The following PNMA3 variants were observed in gnomAD, a reference collection of about 807,000 sequenced individuals.
The protein encoded by PNMA3 is paraneoplastic antigen Ma3.
In PNMA3, 10 loss-of-function variants were observed where a neutral mutation model predicts 25.1. The observed-to-expected ratio is 0.40, with a 90% CI of 0.25 to 0.68. The LOEUF (loss-of-function observed/expected upper bound fraction) is 0.68. Ranked by LOEUF, PNMA3 falls within the 30% of genes least tolerant of loss-of-function variation. PNMA3 has a pLI of 0.40. For synonymous variants in PNMA3, 134 were observed against 148.7 expected, an observed-to-expected ratio of 0.90 and a Z score of 0.72; for missense variants, 317 against 372.1, an observed-to-expected ratio of 0.85 and a Z score of 1.22.
chrX:153,057,140 G>T lies in PNMA3; in HGVS notation c.85G>T (p.Asp29Tyr). 1 of 1,212,020 alleles carries T rather than the reference G, an allele frequency of 8.3e-7. No individual in the cohort carries two copies. Among genetic ancestry groups the T allele is most frequent in the Admixed American group, 2.2e-5 (1 of 46,106 alleles). ...CATGCTCATCCTGGGGATCCCCGAG[G>T]ACTGTGGCGAGGATGAGTTTGAGGA... ...RCMLILGIPE[D>Y]CGEDEFEETL... Residue 29 changes from aspartate (D) to tyrosine (Y), a missense_variant, in exon 2 of 2, where the codon GAC becomes TAC. Coordinates refer to ENST00000593810, the MANE Select transcript of PNMA3 (RefSeq NM_013364.6).
intron 1 of PNMA3, 100 bp from the exon 2 acceptor site, chrX:153,056,850 G>A (rs1333747162): frequency 9.1e-6 from 4 of 440,466 alleles, no homozygotes; most frequent in Admixed American, 5.2e-5. Flanking sequence ...GGCGCCGCCC[G>A]GGGAGGAGGG....
chrX:153,059,177 A>C lies in PNMA3; in HGVS notation c.*730A>C, dbSNP rs2051165290. 2 of 123,966 alleles carry C rather than the reference A, an allele frequency of 1.6e-5. No individual in the cohort carries two copies. The highest frequency in any genetic ancestry group is 6.5e-5 in the African/African-American group (2 of 30,678). 10.2% of individuals were successfully genotyped at this position (123,966 alleles called of 1,213,427 possible). A position where few individuals can be genotyped will look rare whatever the true frequency, so the allele number is the denominator to read the frequency against. The stretch of plus-strand genomic sequence containing the variant: ...GGGTACCCGGCAGGCCAGTGCCCTC[A>C]CAGTTGACTTGGACCAGGGTGGCTG... On this transcript the variant is annotated 3_prime_UTR_variant, in exon 2 of 2. Coordinates refer to ENST00000593810, the MANE Select transcript of PNMA3 (RefSeq NM_013364.6).
In PNMA3 at chrX:153,058,565, A is replaced by G. The variant is rs782299464; in HGVS notation, c.*118A>G. 8.4e-7 allele frequency: 1 copy of G among 1,193,948 alleles called. No individual in the cohort carries two copies. Among genetic ancestry groups the G allele is most frequent in the Non-Finnish European group, 1.1e-6 (1 of 886,373 alleles). ...GATGAGTTGAGTGGGGCAGAGGGAC[A>G]GGGCAGCCAGACCAAGGCCAAGCCT... is the stretch of plus-strand genomic sequence containing the variant. On this transcript the variant is annotated 3_prime_UTR_variant, in exon 2 of 2. Coordinates refer to ENST00000593810, the MANE Select transcript of PNMA3 (RefSeq NM_013364.6).
chrX:153,060,159 C>G lies in PNMA3; in HGVS notation c.*1712C>G, dbSNP rs1246063262. ...TCCTGTGCGGGCCATAGGGCAGGGCCCTGCCCCAGCAGATGGGCTTGGGAG... is the reference window on the plus strand; with the variant it reads ...TCCTGTGCGGGCCATAGGGCAGGGCGCTGCCCCAGCAGATGGGCTTGGGAG... On this transcript the variant is annotated 3_prime_UTR_variant, in exon 2 of 2. Transcript: ENST00000593810. 4 of 124,192 alleles carry G rather than the reference C, an allele frequency of 3.2e-5. No individual in the cohort carries two copies. Among genetic ancestry groups the G allele is most frequent in the African/African-American group, 1.3e-4 (4 of 30,964 alleles). 10.2% of individuals were successfully genotyped at this position (124,192 alleles called of 1,213,427 possible).
In PNMA3 at chrX:153,057,911, C is replaced by T. The variant is rs371312702; in HGVS notation, c.856C>T (p.Arg286Cys). 23 of 1,211,578 alleles carry T rather than the reference C, an allele frequency of 1.9e-5. No homozygotes were observed. The highest frequency in any genetic ancestry group is 1.1e-4 in the South Asian group (6 of 56,937). The part of the protein sequence containing the change: ...QRAVENNVVS[R>C]RNVNQTRLKR... ...AGCTGTAGAAAACAATGTGGTATCA[C>T]GTAGAAACGTGAATCAGACTCGCCT... is the stretch of plus-strand genomic sequence containing the variant. The change falls in exon 2 of 2, where the codon CGT (arginine) becomes TGT (cysteine). Residue 286 changes from arginine to cysteine, a missense_variant. Arg to Cys is a radical substitution (Grantham distance 180). Transcript: ENST00000593810.
chrX:153,058,224 G>A lies in PNMA3; in HGVS notation c.1169G>A (p.Gly390Asp). 8.2e-7 allele frequency: 1 copy of A among 1,212,264 alleles called. No individual in the cohort carries two copies. The highest frequency in any genetic ancestry group is 1.1e-6 in the Non-Finnish European group (1 of 895,571). ...GGCTACCGGCGCCGGAGGGGCAGAGGCCAACACCGAAGGGGTGGTGTGGCA... is the reference window on the plus strand; with the variant it reads ...GGCTACCGGCGCCGGAGGGGCAGAGACCAACACCGAAGGGGTGGTGTGGCA... ...SQGYRRRRGR[G>D]QHRRGGVARA... Residue 390 changes from glycine to aspartate, a missense_variant, in exon 2 of 2, where the codon GGC becomes GAC. Physicochemically the swap from Gly to Asp is moderately conservative, Grantham distance 94 (BLOSUM62 -1). Coordinates refer to ENST00000593810, the MANE Select transcript of PNMA3 (RefSeq NM_013364.6).
At position 153,057,309 on chromosome X, in the gene PNMA3, A is replaced by G. The variant is rs1569523354; in HGVS notation, c.254A>G (p.Lys85Arg). 1 of 1,211,676 alleles carries G rather than the reference A, an allele frequency of 8.3e-7. No individual in the cohort carries two copies. Among genetic ancestry groups the G allele is most frequent in the East Asian group, 3.0e-5 (1 of 33,828 alleles). ...YALLPREIPGKGGPWEVIVKP... is the reference protein window; with the variant it reads ...YALLPREIPGRGGPWEVIVKP... ...TTGCTCCCAAGGGAAATACCAGGAA[A>G]GGGGGGGCCCTGGGAAGTGATTGTA... Residue 85 changes from lysine (K) to arginine (R), a missense_variant, in exon 2 of 2, where the codon AAG becomes AGG. By Grantham distance (26) the Lys-to-Arg change is conservative. Transcript: ENST00000593810.
chrX:153,060,221 A>G lies in PNMA3; in HGVS notation c.*1774A>G, dbSNP rs1479244510. 8.1e-6 allele frequency: 1 copy of G among 123,171 alleles called. No homozygotes were observed. The highest frequency in any genetic ancestry group is 9.3e-5 in the Admixed American group (1 of 10,803). 10.2% of individuals were successfully genotyped at this position (123,171 alleles called of 1,213,427 possible). A position where few individuals can be genotyped will look rare whatever the true frequency, so the allele number is the denominator to read the frequency against. ...AAGCCAGTGGACACTGCCAGAGTCT[A>G]CCTTCCTGGCAAGAGGCAGACCCCG... On this transcript the variant is annotated 3_prime_UTR_variant, in exon 2 of 2. Transcript: ENST00000593810.
chrX:153,060,290 G>A lies in PNMA3; in HGVS notation c.*1843G>A, dbSNP rs1479866962. On this transcript the variant is annotated 3_prime_UTR_variant, in exon 2 of 2. Coordinates refer to ENST00000593810, the MANE Select transcript of PNMA3 (RefSeq NM_013364.6). ...GAGTTGGCAGCGGGGGCTGCAGCAGGAGTAGGAGCAGATGAGGCGTCTTGC... is the reference window on the plus strand; with the variant it reads ...GAGTTGGCAGCGGGGGCTGCAGCAGAAGTAGGAGCAGATGAGGCGTCTTGC... 1 of 123,884 alleles carries A rather than the reference G, an allele frequency of 8.1e-6. No individual in the cohort carries two copies. The highest frequency in any genetic ancestry group is 1.9e-5 in the Non-Finnish European group (1 of 53,504). 10.2% of individuals were successfully genotyped at this position (123,884 alleles called of 1,213,427 possible). A position where few individuals can be genotyped will look rare whatever the true frequency, so the allele number is the denominator to read the frequency against.
intron 1 of PNMA3, 26 bp from the exon 2 acceptor site, chrX:153,056,924 C>G: frequency 2.2e-6 from 2 of 928,711 alleles, no homozygotes; most frequent in Non-Finnish European, 2.9e-6. Flanking sequence ...GCATTAACCT[C>G]GCTCTCGCCC....
chrX:153,057,890 G>A lies in PNMA3; in HGVS notation c.835G>A (p.Val279Ile). The stretch of plus-strand genomic sequence containing the variant: ...TTTGGAACCCCTGCTCCAAAGAGCT[G>A]TAGAAAACAATGTGGTATCACGTAG... ...LRLEPLLQRA[V>I]ENNVVSRRNV... Residue 279 changes from valine to isoleucine, a missense_variant, in exon 2 of 2, where the codon GTA becomes ATA. Physicochemically the swap from Val to Ile is conservative, Grantham distance 29. Coordinates refer to ENST00000593810, the MANE Select transcript of PNMA3 (RefSeq NM_013364.6). 1.6e-6 allele frequency: 2 copies of A among 1,212,657 alleles called. No homozygotes were observed. Among genetic ancestry groups the A allele is most frequent in the Non-Finnish European group, 2.2e-6 (2 of 895,719 alleles).
rs1472493269 is a variant in PNMA3, at chrX:153,059,066, C to T, written c.*619C>T. 7.6e-6 allele frequency: 1 copy of T among 131,255 alleles called. No homozygotes were observed. The highest frequency in any genetic ancestry group is 1.7e-5 in the Non-Finnish European group (1 of 58,078). 10.8% of individuals were successfully genotyped at this position (131,255 alleles called of 1,213,427 possible). A position where few individuals can be genotyped will look rare whatever the true frequency, so the allele number is the denominator to read the frequency against. On this transcript the variant is annotated 3_prime_UTR_variant, in exon 2 of 2. Transcript: ENST00000593810. ...CCTGTGCCAGTGAGGACAGGAGACC[C>T]TAAGGCCCCGGGAGCCCAGTGCCAG...
In PNMA3 at chrX:153,058,166, T is replaced by G. The variant is rs1231929432; in HGVS notation, c.1111T>G (p.Ser371Ala). The G allele has an allele frequency of 2.5e-6, 3 of 1,210,802 alleles. No homozygotes were observed. The highest frequency in any genetic ancestry group is 3.4e-6 in the Non-Finnish European group (3 of 895,301). The change falls in exon 2 of 2, where the codon TCT becomes GCT. Residue 371 changes from serine to alanine, a missense_variant. Transcript: ENST00000593810. ...GGTTGGGGCAGTACCTCTCCCTGCC[T>G]CTGGCAACAGTTTTGATGCGAGGCC... is the stretch of plus-strand genomic sequence containing the variant. ...TGVGAVPLPA[S>A]GNSFDARPSQ...
Position 153,057,107 on chromosome X carries a change from C to G in PNMA3, c.52C>G (p.Arg18Gly), listed in dbSNP as rs190348179. ...DWCRGEHLNT[R>G]RCMLILGIPE... Reference sequence around the variant, plus strand: ...GTGTCGGGGGGAACACCTGAACACCCGGAGGTGCATGCTCATCCTGGGGAT... The same window carrying G: ...GTGTCGGGGGGAACACCTGAACACCGGGAGGTGCATGCTCATCCTGGGGAT... The change falls in exon 2 of 2, where the codon CGG becomes GGG. Residue 18 changes from arginine (R) to glycine (G), a missense_variant. Arg to Gly is a moderately radical substitution (Grantham distance 125). Transcript: ENST00000593810. 1 of 1,209,879 alleles carries G rather than the reference C, an allele frequency of 8.3e-7. No individual in the cohort carries two copies. Among genetic ancestry groups the G allele is most frequent in the African/African-American group, 1.7e-5 (1 of 57,232 alleles).
Position 153,059,521 on chromosome X carries a change from C to G in PNMA3, c.*1074C>G, listed in dbSNP as rs1467657102. 8.1e-6 allele frequency: 1 copy of G among 123,309 alleles called. No individual in the cohort carries two copies. Among genetic ancestry groups the G allele is most frequent in the African/African-American group, 3.2e-5 (1 of 30,786 alleles). 10.2% of individuals were successfully genotyped at this position (123,309 alleles called of 1,213,427 possible). A position where few individuals can be genotyped will look rare whatever the true frequency, so the allele number is the denominator to read the frequency against. On this transcript the variant is annotated 3_prime_UTR_variant, in exon 2 of 2. Coordinates refer to ENST00000593810, the MANE Select transcript of PNMA3 (RefSeq NM_013364.6). The stretch of plus-strand genomic sequence containing the variant: ...GATGACAGGGGGAAAGAGGCCCTCT[C>G]AAGGGTGCCAGATGCCTGGGTCTCC...
rs1205578695 is a variant in PNMA3 at position 153,056,555 on chromosome X, TCCGCCGCCG to T, written c.-176_-168del. The T allele has an allele frequency of 3.3e-5, 4 of 121,936 alleles. No individual in the cohort carries two copies. Among genetic ancestry groups the T allele is most frequent in the Non-Finnish European group, 3.2e-5 (2 of 61,884 alleles). 10.0% of individuals were successfully genotyped at this position (121,936 alleles called of 1,213,427 possible). On this transcript the variant is annotated 5_prime_UTR_variant, in exon 1 of 2. Transcript: ENST00000593810. ...GGGAGCCAGGGGTGCCCGACCCCCG[TCCGCCGCCG>T]CCGCCGCCGCCGCGCATAGCCCCCG...
Position 153,058,034 on chromosome X carries a change from G to A in PNMA3, c.979G>A (p.Val327Met), listed in dbSNP as rs1410844544. Reference protein sequence around the residue: ...RRKPPGFLALVKLLREEEEWE... With the variant: ...RRKPPGFLALMKLLREEEEWE... ...GAAGCCTCCTGGTTTCCTGGCCCTG[G>A]TGAAGCTCCTGCGTGAGGAGGAGGA... is the stretch of plus-strand genomic sequence containing the variant. Residue 327 changes from valine to methionine, a missense_variant, in exon 2 of 2, where the codon GTG becomes ATG. Coordinates refer to ENST00000593810, the MANE Select transcript of PNMA3 (RefSeq NM_013364.6). The A allele has an allele frequency of 4.1e-6, 5 of 1,210,818 alleles. No homozygotes were observed. Among genetic ancestry groups the A allele is most frequent in the East Asian group, 3.0e-5 (1 of 33,789 alleles).
In PNMA3 at chrX:153,058,257, G is replaced by C. The variant is rs1256427555; in HGVS notation, c.1202G>C (p.Gly401Ala). 1 of 1,212,221 alleles carries C rather than the reference G, an allele frequency of 8.2e-7. No homozygotes were observed. Among genetic ancestry groups the C allele is most frequent in the Non-Finnish European group, 1.1e-6 (1 of 895,527 alleles). ...CGAAGGGGTGGTGTGGCAAGGGCTG[G>C]CTCTCGAGGCTCAAGAAAACGGAAA... ...QHRRGGVARAGSRGSRKRKRH... is the reference protein window; with the variant it reads ...QHRRGGVARAASRGSRKRKRH... The change falls in exon 2 of 2, where the codon GGC becomes GCC. Residue 401 changes from glycine (G) to alanine (A), a missense_variant. Physicochemically the swap from Gly to Ala is moderately conservative, Grantham distance 60. Transcript: ENST00000593810.
In PNMA3 at chrX:153,059,679, C is replaced by G. The variant is rs2051169053; in HGVS notation, c.*1232C>G. On this transcript the variant is annotated 3_prime_UTR_variant, in exon 2 of 2. Transcript: ENST00000593810. Reference sequence around the variant, plus strand: ...GCCCACCCACCGCTAGCCGTTGTTCCTGTGCAAAGTAGTGTGCTATGCACC... The same window carrying G: ...GCCCACCCACCGCTAGCCGTTGTTCGTGTGCAAAGTAGTGTGCTATGCACC... 1 of 124,593 alleles carries G rather than the reference C, an allele frequency of 8.0e-6. No homozygotes were observed. Among genetic ancestry groups the G allele is most frequent in the African/African-American group, 3.2e-5 (1 of 31,194 alleles). The allele number at this position is 124,593 out of a possible 1,213,427, so 10.3% of individuals were successfully genotyped here. A position where few individuals can be genotyped will look rare whatever the true frequency, so the allele number is the denominator to read the frequency against.
Sources: allele counts gnomAD v4.1 joint callset, GRCh38; gene constraint gnomAD v4.1.1; transcripts MANE v1.5; gene names NCBI Gene and HGNC (gene_info 2026-07-23, HGNC 2026-07-21).